The following PALM variants were observed in gnomAD, a reference collection of about 807,000 sequenced individuals.
PALM encodes paralemmin.
In PALM, 18 loss-of-function variants were observed where a neutral mutation model predicts 30.7. The ratio of observed to expected loss-of-function variants is 0.59; its 90% CI spans 0.41 to 0.87. The LOEUF (loss-of-function observed/expected upper bound fraction) is 0.87. Among genes scored for constraint, PALM ranks in the 40% least tolerant of loss-of-function variants. The pLI is 0.00. For missense variants in PALM, 529 were observed against 555.4 expected (o/e 0.95, Z 0.48); for synonymous variants, 286 against 242.8 (o/e 1.18, Z -1.66).
chr19:709,945 G>T lies in PALM; in HGVS notation c.5+794G>T, dbSNP rs1364232630. On this transcript the variant is annotated intron_variant, in intron 1 of 8. Coordinates refer to ENST00000338448, the MANE Select transcript of PALM (RefSeq NM_002579.3). The surrounding 1 kb of genome is among the most constrained non-coding windows in gnomAD (Gnocchi z 4.3). ...GGTGGCCAGTGGAGGCACCGAGCGA[G>T]GGCGCGTGGTCATTTCGGACACCGG... is the stretch of plus-strand genomic sequence containing the variant. Among the ~76,000 whole-genome samples, 3 of 152,132 alleles carry T rather than the reference G, an allele frequency of 2.0e-5. No individual in the cohort carries two copies. The highest frequency in any genetic ancestry group is 4.4e-5 in the Non-Finnish European group (3 of 68,000).
chr19:746,654 C>G lies in PALM; in HGVS notation c.1004C>G (p.Ala335Gly), dbSNP rs1173554821. 6.2e-7 allele frequency: 1 copy of G among 1,612,114 alleles called. No homozygotes were observed. Among genetic ancestry groups the G allele is most frequent in the Non-Finnish European group, 8.5e-7 (1 of 1,179,674 alleles). The part of the protein sequence containing the change: ...TAELVVIEDA[A>G]EPKEPAPPNG... ...GAGCTGGTGGTCATCGAAGACGCGG[C>G]TGAGCCCAAGGAGCCTGCACCACCC... Residue 335 changes from alanine to glycine, a missense_variant, in exon 9 of 9, where the codon GCT (alanine) becomes GGT (glycine). Transcript: ENST00000338448. The surrounding 1 kb of genome is among the most constrained non-coding windows in gnomAD (Gnocchi z 7.1).
chr19:743,542 C>CT (rs1002194639), intron 8 of PALM, among the ~76,000 whole-genome samples: 1 of 152,250 alleles, frequency 6.6e-6, no homozygotes, highest in African/African-American at 2.4e-5. Context: ...ATGGACTCCC[C>CT]TCCCTGGGGG....
chr19:732,058 C>T (rs2032894377), intron 5 of PALM, among the ~76,000 whole-genome samples: 1 of 152,060 alleles, frequency 6.6e-6, no homozygotes, highest in African/African-American at 2.4e-5. Context: ...CTCACTGCAG[C>T]CTCGACTTCC....
chr19:743,072 G>T (rs989877845), intron 8 of PALM, among the ~76,000 whole-genome samples: 1 of 152,144 alleles, frequency 6.6e-6, no homozygotes, highest in Non-Finnish European at 1.5e-5. Flanking sequence ...TCTCGTGGCT[G>T]TCCTGGTGGC....
chr19:734,134 A>T (rs201526550), intron 5 of PALM, 39 bp from the exon 6 acceptor site: 445 of 1,611,706 alleles, frequency 2.8e-4, no homozygotes, highest in Non-Finnish European at 3.5e-4. Flanking sequence ...CTTCCCGGGG[A>T]TGCTGACGCC....
At chr19:719,976 T>G (rs922054838) in intron 1 of PALM, among the ~76,000 whole-genome samples, 1 of 152,082 alleles carries the variant, frequency 6.6e-6, no homozygotes, top group Non-Finnish European at 1.5e-5. Context: ...CGGCCTGACC[T>G]TGGCTACCCG....
chr19:731,080 A>G lies in PALM; in HGVS notation c.270-15A>G, dbSNP rs1470003579. On this transcript the variant is annotated splice_polypyrimidine_tract_variant and intron_variant, in intron 4 of 8. Coordinates refer to ENST00000338448, the MANE Select transcript of PALM (RefSeq NM_002579.3). ...GGATGCAGGAGTCACCCTCACAGGC[A>G]CACCCTCTCCCCAGGTTGGAGAAGG... 6.4e-7 allele frequency: 1 copy of G among 1,554,590 alleles called. No homozygotes were observed.
At chr19:723,887 C>T (rs866423898) in intron 1 of PALM, among the ~76,000 whole-genome samples, 4 of 152,114 alleles carry the variant, frequency 2.6e-5, no homozygotes, top group African/African-American at 4.8e-5. Flanking sequence ...TGAGCCACCG[C>T]GCCCGGCCTG....
intron 8 of PALM, among the ~76,000 whole-genome samples, chr19:740,725 C>T (rs1370436386): frequency 2.0e-5 from 3 of 152,186 alleles, no homozygotes; most frequent in African/African-American, 4.8e-5. Context: ...AAAGCTGAGC[C>T]GGGCACCAGG....
intron 1 of PALM, among the ~76,000 whole-genome samples, chr19:723,522 G>A (rs933579926): frequency 1.3e-5 from 2 of 152,144 alleles, no homozygotes; most frequent in Non-Finnish European, 1.5e-5. Context: ...CCTGAGGGTC[G>A]CTGGGAAGGT....
intron 1 of PALM, among the ~76,000 whole-genome samples, chr19:721,038 C>T (rs973240246): frequency 1.3e-5 from 2 of 152,168 alleles, no homozygotes; most frequent in Non-Finnish European, 2.9e-5. Context: ...CCCAGGGCCA[C>T]GCTGTGCCCT....
intron 1 of PALM, among the ~76,000 whole-genome samples, chr19:720,243 C>T (rs1217269902): frequency 1.3e-5 from 2 of 151,854 alleles, no homozygotes; most frequent in East Asian, 2.0e-4. Context: ...GCCATGGGGA[C>T]GGCGCGGTTG....
chr19:713,917 T>C (rs960895708), intron 1 of PALM, among the ~76,000 whole-genome samples: 3 of 142,234 alleles, frequency 2.1e-5, no homozygotes, highest in Admixed American at 7.1e-5. Context: ...TCTTTTTTTT[T>C]TTTTTGAGAC....
Position 734,209 on chromosome 19 carries a change from A to T in PALM, c.442+15A>T, listed in dbSNP as rs771016925. 1 of 1,613,254 alleles carries T rather than the reference A, an allele frequency of 6.2e-7. No homozygotes were observed. The highest frequency in any genetic ancestry group is 8.5e-7 in the Non-Finnish European group (1 of 1,179,486). Reference sequence around the variant, plus strand: ...CACGCCCAAAGGTAGGACCTCTGGAAGGAACTCGTGGGGCCTCGGCGCACT... The same window carrying T: ...CACGCCCAAAGGTAGGACCTCTGGATGGAACTCGTGGGGCCTCGGCGCACT... On this transcript the variant is annotated intron_variant, in intron 6 of 8. Transcript: ENST00000338448.
In PALM at chr19:709,226, C is replaced by T; in HGVS notation, c.5+75C>T. 3.3e-6 allele frequency: 1 copy of T among 300,476 alleles called. No homozygotes were observed. Among genetic ancestry groups the T allele is most frequent in the Non-Finnish European group, 6.2e-6 (1 of 162,470 alleles). The allele number at this position is 300,476 out of a possible 1,614,324, so 18.6% of individuals were successfully genotyped here. A position where few individuals can be genotyped will look rare whatever the true frequency, so the allele number is the denominator to read the frequency against. ...GCCGGGGAGGGGGGAGGCCCCCTCT[C>T]TCGCGCCCCATTGGGGGCGTCGCTG... On this transcript the variant is annotated intron_variant, in intron 1 of 8. Transcript: ENST00000338448. The surrounding 1 kb of genome is among the most constrained non-coding windows in gnomAD (Gnocchi z 4.3).
rs192972883 is a variant in PALM, at chr19:746,643, C to T, written c.993C>T (p.Ile331=). 21 of 1,612,634 alleles carry T rather than the reference C, an allele frequency of 1.3e-5. 1 individual carries two copies. In the East Asian group the frequency reaches 3.3e-4, roughly 26 times the overall value. ...CCATCACGGCGGAGCTGGTGGTCAT[C>T]GAAGACGCGGCTGAGCCCAAGGAGC... ...QDTITAELVV[I]EDAAEPKEPA... is the part of the protein sequence containing the mutation. Residue 331 remains isoleucine (I), a synonymous_variant, in exon 9 of 9, where the codon ATC becomes ATT. Transcript: ENST00000338448. The surrounding 1 kb of genome is among the most constrained non-coding windows in gnomAD (Gnocchi z 7.1).
At chr19:711,862 TC>T (rs2032090465) in intron 1 of PALM, among the ~76,000 whole-genome samples, 2 of 152,066 alleles carry the variant, frequency 1.3e-5, no homozygotes, top group Admixed American at 1.3e-4. Context: ...TCAAGCGACT[TC>T]CCTGCCTCAG....
chr19:717,155 C>A (rs2032291895), intron 1 of PALM, among the ~76,000 whole-genome samples: 1 of 152,218 alleles, frequency 6.6e-6, no homozygotes, highest in African/African-American at 2.4e-5. Flanking sequence ...GTCTCAATCT[C>A]TTGACCTTGT....
intron 1 of PALM, among the ~76,000 whole-genome samples, chr19:720,342 C>A (rs1357986102): frequency 7.1e-6 from 1 of 140,380 alleles, no homozygotes. Flanking sequence ...GCGCATCCTG[C>A]GTGTCCTGGG....
Sources: allele counts gnomAD v4.1 joint callset (sites outside exome capture counted in the v4.1 genomes callset), GRCh38; gene constraint gnomAD v4.1.1; non-coding constraint Gnocchi (gnomAD v3.1); transcripts MANE v1.5; gene names NCBI Gene and HGNC (gene_info 2026-07-23, HGNC 2026-07-21).